VTI1A: variants seen among roughly 807,000 people sequenced by gnomAD.
The protein encoded by VTI1A is vesicle transport through interaction with t-SNAREs homolog 1A.
In VTI1A, 22 loss-of-function variants were observed where a neutral mutation model predicts 34.9. That is an observed-to-expected ratio of 0.63 (90% confidence interval 0.45 to 0.90). The LOEUF (loss-of-function observed/expected upper bound fraction) is 0.90. Among genes scored for constraint, VTI1A ranks in the 40% least tolerant of loss-of-function variants. The pLI, the probability that VTI1A is intolerant of heterozygous loss-of-function variation, is 0.00. For synonymous variants in VTI1A, 87 were observed against 97.3 expected, an observed-to-expected ratio of 0.89 and a Z score of 0.62; for missense variants, 268 against 275.6, an observed-to-expected ratio of 0.97 and a Z score of 0.20.
chr10:112,586,648 T>G (rs1403073808), intron 5 of VTI1A, among the ~76,000 whole-genome samples: 1 of 152,198 alleles, frequency 6.6e-6, no homozygotes, highest in Non-Finnish European at 1.5e-5. Flanking sequence ...CTCTTCTTTC[T>G]TTGTTCCTGC....
chr10:112,546,248 G>T (rs188929783), intron 5 of VTI1A, among the ~76,000 whole-genome samples: 1 of 150,920 alleles, frequency 6.6e-6, no homozygotes, highest in East Asian at 2.0e-4. Flanking sequence ...CAAAAATTTG[G>T]CCAGGTAGCT....
the VTI1A span, among the ~76,000 whole-genome samples, chr10:112,847,979 C>A: frequency 6.6e-6 from 1 of 152,118 alleles, no homozygotes; most frequent in Non-Finnish European, 1.5e-5. Context: ...AAGAACCACC[C>A]AGCTAAGCCC....
intron 5 of VTI1A, among the ~76,000 whole-genome samples, chr10:112,586,075 G>A (rs1452339840): frequency 1.3e-5 from 2 of 151,490 alleles, no homozygotes; most frequent in African/African-American, 4.8e-5. Flanking sequence ...AAATATCACA[G>A]GGAAGCTATT....
intron 7 of VTI1A, among the ~76,000 whole-genome samples, chr10:112,790,854 G>A (rs754878212): frequency 7.3e-5 from 11 of 149,700 alleles, no homozygotes; most frequent in Admixed American, 4.6e-4. Flanking sequence ...CCCCTGGTAG[G>A]AGGATTTTTG....
intron 7 of VTI1A, among the ~76,000 whole-genome samples, chr10:112,693,268 G>A (rs1229111200): frequency 2.6e-5 from 4 of 152,050 alleles, no homozygotes; most frequent in African/African-American, 7.2e-5. Flanking sequence ...CTTAACTGGC[G>A]GGGCGTGATG....
the VTI1A span, among the ~76,000 whole-genome samples, chr10:112,853,064 A>G: frequency 6.6e-6 from 1 of 152,134 alleles, no homozygotes. Flanking sequence ...GATTACAGGC[A>G]TGAGCCACCG....
At chr10:112,512,104 G>C (rs1209499683) in intron 3 of VTI1A, among the ~76,000 whole-genome samples, 1 of 152,018 alleles carries the variant, frequency 6.6e-6, no homozygotes, top group South Asian at 2.1e-4. Context: ...TGGATCGAAT[G>C]GTACTTCTAT....
the VTI1A span, among the ~76,000 whole-genome samples, chr10:112,829,092 C>A: frequency 6.6e-6 from 1 of 152,168 alleles, no homozygotes; most frequent in African/African-American, 2.4e-5. Flanking sequence ...TACCTAATGT[C>A]CAGCATACAG....
At chr10:112,580,433 C>A (rs545556191) in intron 5 of VTI1A, among the ~76,000 whole-genome samples, 11 of 152,116 alleles carry the variant, frequency 7.2e-5, no homozygotes, top group Non-Finnish European at 1.5e-5. Flanking sequence ...GGTGACTCAG[C>A]AGGAGCGGGA....
chr10:112,839,917 C>T, the VTI1A span, among the ~76,000 whole-genome samples: 1 of 142,196 alleles, frequency 7.0e-6, no homozygotes, highest in African/African-American at 2.6e-5. Flanking sequence ...ACTCCACATA[C>T]CCAGTACAGC....
intron 5 of VTI1A, among the ~76,000 whole-genome samples, chr10:112,624,038 C>A (rs1180928767): frequency 1.3e-5 from 2 of 152,156 alleles, no homozygotes; most frequent in Non-Finnish European, 2.9e-5. Context: ...ATGGGACTGA[C>A]AAACACATTT....
At position 112,793,562 on chromosome 10, in the gene VTI1A, TTTTG is replaced by T. The variant is rs542372064; in HGVS notation, c.561-21718_561-21715del. On this transcript the variant is annotated intron_variant, in intron 7 of 7. Coordinates refer to ENST00000393077, the MANE Select transcript of VTI1A (RefSeq NM_145206.4). ...TCCAATGTACCACACTTAATCTCTC[TTTTG>T]TTTGTTTGTCTTGTGGAACATGTAT... is the stretch of plus-strand genomic sequence containing the variant. Among the ~76,000 whole-genome samples, 40 of 152,354 alleles carry T rather than the reference TTTTG, an allele frequency of 2.6e-4. No homozygotes were observed. In the East Asian group the frequency reaches 6.6e-3, roughly 25 times the overall value.
intron 5 of VTI1A, among the ~76,000 whole-genome samples, chr10:112,619,998 T>C (rs776795055): frequency 7.2e-5 from 11 of 152,172 alleles, no homozygotes; most frequent in Non-Finnish European, 1.6e-4. Context: ...TCAGCAACAA[T>C]CTGGTTCTCC....
intron 7 of VTI1A, among the ~76,000 whole-genome samples, chr10:112,778,057 G>A (rs976334762): frequency 1.3e-5 from 2 of 152,016 alleles, no homozygotes; most frequent in Non-Finnish European, 2.9e-5. Context: ...AGCCGAGATC[G>A]TGCCATTGCA....
chr10:112,745,001 G>T (rs1451399528), intron 7 of VTI1A, among the ~76,000 whole-genome samples: 1 of 152,154 alleles, frequency 6.6e-6, no homozygotes, highest in Middle Eastern at 3.2e-3. Flanking sequence ...GTCAAGAAAA[G>T]AAAGTACAAT....
chr10:112,749,089 G>T (rs1851012718), intron 7 of VTI1A, among the ~76,000 whole-genome samples: 1 of 152,144 alleles, frequency 6.6e-6, no homozygotes, highest in Non-Finnish European at 1.5e-5. Flanking sequence ...TTTTCTAACA[G>T]AACAAGTCTG....
At chr10:112,688,592 G>T (rs1403557725) in intron 7 of VTI1A, among the ~76,000 whole-genome samples, 1 of 149,486 alleles carries the variant, frequency 6.7e-6, no homozygotes, top group Admixed American at 6.7e-5. Context: ...CGCAATCTTG[G>T]CTCACTGCAA....
At chr10:112,699,387 T>A (rs1330855511) in intron 7 of VTI1A, among the ~76,000 whole-genome samples, 2 of 152,246 alleles carry the variant, frequency 1.3e-5, no homozygotes, top group Non-Finnish European at 2.9e-5. Flanking sequence ...TATAGATGGT[T>A]GTCTGCTCAT....
chr10:112,694,366 ATGGATGGATGGATGGATGGG>A (rs1259998411), intron 7 of VTI1A, among the ~76,000 whole-genome samples: 2 of 151,472 alleles, frequency 1.3e-5, no homozygotes, highest in Non-Finnish European at 2.9e-5. Flanking sequence ...AAGTATTTGG[ATGGATGGATGGATGGATGGG>A]TGGATGGATG....
Sources: gnomAD v4.1 joint callset for allele counts (sites outside exome capture counted in the v4.1 genomes callset) on GRCh38, gnomAD v4.1.1 for gene constraint, MANE v1.5 for transcripts, NCBI Gene and HGNC (gene_info 2026-07-23, HGNC 2026-07-21) for gene names.